Variants in KCNT2 observed in about 807,000 individuals in gnomAD.
The protein encoded by KCNT2 is potassium sodium-activated channel subfamily T member 2.
In KCNT2, 67 loss-of-function variants were observed where a neutral mutation model predicts 153.8. The ratio of observed to expected loss-of-function variants is 0.44; its 90% CI spans 0.36 to 0.53. KCNT2 has a LOEUF of 0.53. Among genes scored for constraint, KCNT2 ranks in the 20% least tolerant of loss-of-function variants. KCNT2 has a pLI of 0.00. For missense variants in KCNT2, 975 were observed against 1,354.8 expected, an observed-to-expected ratio of 0.72 and a Z score of 4.40; for synonymous variants, 500 against 458.8, an observed-to-expected ratio of 1.09 and a Z score of -1.15.
At chr1:196,445,300 G>A (rs951861011) in intron 8 of KCNT2, among the ~76,000 whole-genome samples, 8 of 151,278 alleles carry the variant, frequency 5.3e-5, no homozygotes, top group Non-Finnish European at 1.0e-4. Context: ...TAATTTAAAC[G>A]ATTTGTACAC....
At chr1:196,594,564 C>G (rs1189996662) in intron 1 of KCNT2, among the ~76,000 whole-genome samples, 1 of 151,924 alleles carries the variant, frequency 6.6e-6, no homozygotes, top group Non-Finnish European at 1.5e-5. Flanking sequence ...GGATCCAAAA[C>G]GAATTAAAGA....
Position 196,570,067 on chromosome 1 carries a change from T to TAAAAAAAAAAAAAAAA in KCNT2, c.95+38132_95+38147dup, listed in dbSNP as rs199836975. ...TGAGTCCAGGAAGCTTGAGCTAGAG[T>TAAAAAAAAAAAAAAAA]AAAAAAAAAAAAAAAAAAAAAAAAA... is the stretch of plus-strand genomic sequence containing the variant. On this transcript the variant is annotated intron_variant, in intron 1 of 27. Transcript: ENST00000294725. Among the ~76,000 whole-genome samples the TAAAAAAAAAAAAAAAA allele has an allele frequency of 7.9e-4, 106 of 133,710 alleles. 6 individuals carry two copies. The highest frequency in any genetic ancestry group is 3.0e-3 in the African/African-American group (83 of 27,540). 87.7% of individuals were successfully genotyped at this position (133,710 alleles called of 152,430 possible).
At chr1:196,491,630 A>C (rs1679868222) in intron 2 of KCNT2, among the ~76,000 whole-genome samples, 1 of 151,990 alleles carries the variant, frequency 6.6e-6, no homozygotes, top group African/African-American at 2.4e-5. Flanking sequence ...GGCACTCCTA[A>C]CCTTGAATAG....
At chr1:196,566,317 G>T (rs1244044972) in intron 1 of KCNT2, among the ~76,000 whole-genome samples, 2 of 151,998 alleles carry the variant, frequency 1.3e-5, no homozygotes, top group African/African-American at 4.8e-5. Context: ...CAGTTTGAGT[G>T]ATTACATAGG....
intron 8 of KCNT2, among the ~76,000 whole-genome samples, chr1:196,432,932 C>G (rs1674289002): frequency 6.6e-6 from 1 of 151,926 alleles, no homozygotes; most frequent in Admixed American, 6.6e-5. Flanking sequence ...TGAATGTGTC[C>G]CCTCCAAAAT....
chr1:196,544,517 C>T (rs1400973480), intron 1 of KCNT2, among the ~76,000 whole-genome samples: 1 of 151,912 alleles, frequency 6.6e-6, no homozygotes, highest in Non-Finnish European at 1.5e-5. Flanking sequence ...ATAATATATA[C>T]TTCAACTTCT....
intron 8 of KCNT2, among the ~76,000 whole-genome samples, chr1:196,438,803 TAA>T (rs956262078): frequency 1.4e-4 from 21 of 151,900 alleles, no homozygotes; most frequent in African/African-American, 4.6e-4. Flanking sequence ...TACAATTCAC[TAA>T]GTTATGTAAC....
intron 13 of KCNT2, among the ~76,000 whole-genome samples, chr1:196,385,415 A>G (rs774840165): frequency 2.6e-5 from 4 of 152,136 alleles, no homozygotes; most frequent in Non-Finnish European, 5.9e-5. Flanking sequence ...ATTACACTCT[A>G]CGGAACCACC....
intron 20 of KCNT2, 147 bp from the exon 21 acceptor site, chr1:196,316,173 G>T: frequency 4.4e-6 from 2 of 458,490 alleles, no homozygotes; most frequent in Non-Finnish European, 7.7e-6. Context: ...CTATTAAAGG[G>T]AATTATGATA....
At chr1:196,527,506 A>G (rs1021896032) in intron 1 of KCNT2, among the ~76,000 whole-genome samples, 2 of 152,204 alleles carry the variant, frequency 1.3e-5, no homozygotes, top group Admixed American at 1.3e-4. Context: ...TTAATAATCT[A>G]ACAAATTTTT....
chr1:196,569,543 C>A (rs1179840627), intron 1 of KCNT2, among the ~76,000 whole-genome samples: 4 of 152,080 alleles, frequency 2.6e-5, no homozygotes, highest in African/African-American at 9.7e-5. Context: ...TCATTTGTTT[C>A]AGTCTCTATT....
intron 21 of KCNT2, among the ~76,000 whole-genome samples, chr1:196,309,164 A>G (rs1015130670): frequency 3.3e-5 from 5 of 152,026 alleles, no homozygotes; most frequent in Admixed American, 3.3e-4. Flanking sequence ...CAGTGTTGAG[A>G]TATCAGGCTA....
intron 1 of KCNT2, among the ~76,000 whole-genome samples, chr1:196,600,370 T>C (rs1476079243): frequency 1.3e-5 from 2 of 152,260 alleles, no homozygotes; most frequent in African/African-American, 2.4e-5. Context: ...GCTGGAGAGA[T>C]GGAGGTGGTT....
chr1:196,607,991 C>T (rs1665506627), intron 1 of KCNT2, among the ~76,000 whole-genome samples: 1 of 152,088 alleles, frequency 6.6e-6, no homozygotes, highest in African/African-American at 2.4e-5. Context: ...AAATACCTTG[C>T]AAGAATAAGA....
chr1:196,589,999 A>G (rs1355900479), intron 1 of KCNT2, among the ~76,000 whole-genome samples: 1 of 152,164 alleles, frequency 6.6e-6, no homozygotes, highest in African/African-American at 2.4e-5. Flanking sequence ...GTAGAGTACA[A>G]TATACATTAT....
chr1:196,572,042 G>T (rs1212143494), intron 1 of KCNT2, among the ~76,000 whole-genome samples: 1 of 152,044 alleles, frequency 6.6e-6, no homozygotes, highest in Non-Finnish European at 1.5e-5. Flanking sequence ...TTGTCCTCTT[G>T]TCTCACATAA....
At chr1:196,260,751 C>T (rs1398733222) in intron 25 of KCNT2, among the ~76,000 whole-genome samples, 1 of 151,806 alleles carries the variant, frequency 6.6e-6, no homozygotes, top group African/African-American at 2.4e-5. Context: ...GTATAATATA[C>T]ACAAATTTGA....
At chr1:196,339,089 C>G (rs998825371) in intron 16 of KCNT2, among the ~76,000 whole-genome samples, 2 of 150,922 alleles carry the variant, frequency 1.3e-5, no homozygotes, top group South Asian at 4.2e-4. Flanking sequence ...AACTAGTAGA[C>G]AGTTCGCGTT....
intron 1 of KCNT2, among the ~76,000 whole-genome samples, chr1:196,571,346 C>T (rs1447082688): frequency 1.3e-5 from 2 of 151,886 alleles, no homozygotes; most frequent in Admixed American, 6.6e-5. Context: ...CCAAGATATT[C>T]TAAAGGAGAA....
Sources: gnomAD v4.1 joint callset for allele counts (sites outside exome capture counted in the v4.1 genomes callset) on GRCh38, gnomAD v4.1.1 for gene constraint, MANE v1.5 for transcripts, NCBI Gene and HGNC (gene_info 2026-07-23, HGNC 2026-07-21) for gene names.